The following PRKD1 variants were observed in gnomAD, a reference collection of about 807,000 sequenced individuals.
PRKD1 encodes protein kinase D1, also known as serine/threonine-protein kinase D1.
A neutral mutation model predicts 95.9 loss-of-function variants in PRKD1; 63 were observed. The ratio of observed to expected loss-of-function variants is 0.66; its 90% CI spans 0.54 to 0.81. PRKD1 has a LOEUF of 0.81. Among genes scored for constraint, PRKD1 ranks in the 30% least tolerant of loss-of-function variants. The pLI, the probability that PRKD1 is intolerant of heterozygous loss-of-function variation, is 0.00. For missense variants in PRKD1, 1,048 were observed against 1,165.3 expected, an observed-to-expected ratio of 0.90 and a Z score of 1.47; for synonymous variants, 425 against 423.1, an observed-to-expected ratio of 1.00 and a Z score of -0.05.
intron 1 of PRKD1, among the ~76,000 whole-genome samples, chr14:29,920,476 A>G (rs143570504): frequency 1.5e-4 from 23 of 152,200 alleles, no homozygotes; most frequent in South Asian, 2.1e-4. Flanking sequence ...ATCAACACCT[A>G]TAAGACTGCA....
At chr14:29,829,044 C>A (rs1259886386) in intron 1 of PRKD1, among the ~76,000 whole-genome samples, 4 of 152,300 alleles carry the variant, frequency 2.6e-5, no homozygotes, top group African/African-American at 9.6e-5. Context: ...GAAGCCCAGG[C>A]CACGCATTAT....
chr14:29,842,809 C>T (rs941711751), intron 1 of PRKD1, among the ~76,000 whole-genome samples: 2 of 152,228 alleles, frequency 1.3e-5, no homozygotes, highest in Middle Eastern at 3.4e-3. Context: ...TCCTTTGAAC[C>T]GCTTTTTCTG....
At chr14:29,847,082 A>C (rs989026181) in intron 1 of PRKD1, among the ~76,000 whole-genome samples, 1 of 152,064 alleles carries the variant, frequency 6.6e-6, no homozygotes, top group South Asian at 2.1e-4. Flanking sequence ...CCTGTACTGC[A>C]GGGGGGGTTG....
chr14:29,638,156 G>A, intron 6 of PRKD1: 1 of 264,152 alleles, frequency 3.8e-6, no homozygotes, highest in Non-Finnish European at 7.1e-6. Flanking sequence ...GAGACTGAGA[G>A]CTATAACTTG....
intron 1 of PRKD1, among the ~76,000 whole-genome samples, chr14:29,753,903 C>T (rs1268599596): frequency 6.6e-6 from 1 of 152,136 alleles, no homozygotes; most frequent in Non-Finnish European, 1.5e-5. Context: ...TAGCCTGATG[C>T]ATGCCTCCTT....
intron 4 of PRKD1, 40 bp from the exon 5 acceptor site, chr14:29,638,944 G>A (rs769009708): frequency 6.0e-6 from 9 of 1,488,790 alleles, no homozygotes; most frequent in Non-Finnish European, 7.5e-6. Flanking sequence ...AGATGTAAGA[G>A]GCTATTTGAT....
chr14:29,664,490 G>A (rs1644902266), intron 3 of PRKD1, among the ~76,000 whole-genome samples: 1 of 152,078 alleles, frequency 6.6e-6, no homozygotes. Context: ...CACGTAGCTG[G>A]AGGCCATTAC....
intron 1 of PRKD1, among the ~76,000 whole-genome samples, chr14:29,746,084 G>A (rs994724084): frequency 6.6e-6 from 1 of 152,056 alleles, no homozygotes; most frequent in Non-Finnish European, 1.5e-5. Context: ...AAATGTTTAC[G>A]ATGACTTTGG....
intron 1 of PRKD1, among the ~76,000 whole-genome samples, chr14:29,835,428 G>A (rs1891574594): frequency 6.6e-6 from 1 of 152,076 alleles, no homozygotes; most frequent in Admixed American, 6.6e-5. Flanking sequence ...AGAGAAATTA[G>A]TTATTATTTT....
At chr14:29,829,157 C>A (rs993212627) in intron 1 of PRKD1, among the ~76,000 whole-genome samples, 3 of 152,152 alleles carry the variant, frequency 2.0e-5, no homozygotes, top group African/African-American at 7.2e-5. Flanking sequence ...TTGGATGAGT[C>A]CAGCCCCATC....
intron 1 of PRKD1, among the ~76,000 whole-genome samples, chr14:29,844,471 G>A (rs1050406929): frequency 2.0e-5 from 3 of 152,098 alleles, no homozygotes; most frequent in African/African-American, 7.2e-5. Context: ...ATGTTAAGTA[G>A]ATATAAAAAT....
chr14:29,865,408 G>C (rs1892859407), intron 1 of PRKD1, among the ~76,000 whole-genome samples: 1 of 152,196 alleles, frequency 6.6e-6, no homozygotes, highest in Admixed American at 6.5e-5. Flanking sequence ...TATTGTGATG[G>C]TATTAGAAGC....
At chr14:29,695,143 A>C (rs1190987749) in intron 2 of PRKD1, among the ~76,000 whole-genome samples, 1 of 151,366 alleles carries the variant, frequency 6.6e-6, no homozygotes, top group African/African-American at 2.4e-5. Flanking sequence ...CTGAGGCAGG[A>C]GAATCACTTG....
At chr14:29,877,006 G>T (rs2139388014) in intron 1 of PRKD1, among the ~76,000 whole-genome samples, 1 of 152,210 alleles carries the variant, frequency 6.6e-6, no homozygotes, top group South Asian at 2.1e-4. Flanking sequence ...ACAAAAATTA[G>T]ACAGGTGTGG....
chr14:29,711,609 T>C (rs1885337447), intron 2 of PRKD1, among the ~76,000 whole-genome samples: 2 of 152,144 alleles, frequency 1.3e-5, no homozygotes, highest in Admixed American at 6.6e-5. Flanking sequence ...GATCCAATTA[T>C]GAAATCTTAA....
intron 1 of PRKD1, among the ~76,000 whole-genome samples, chr14:29,812,368 C>G (rs549686449): frequency 2.1e-4 from 32 of 152,300 alleles, no homozygotes; most frequent in African/African-American, 7.0e-4. Context: ...AAAGAGCAAT[C>G]CTTAAAATAA....
intron 2 of PRKD1, among the ~76,000 whole-genome samples, chr14:29,672,286 A>G (rs1406078060): frequency 6.6e-6 from 1 of 152,004 alleles, no homozygotes; most frequent in Non-Finnish European, 1.5e-5. Flanking sequence ...GCTTGCAGTG[A>G]GCCGAGATCG....
chr14:29,897,139 T>C (rs993453059), intron 1 of PRKD1, among the ~76,000 whole-genome samples: 20 of 152,112 alleles, frequency 1.3e-4, no homozygotes, highest in Admixed American at 1.0e-3. Flanking sequence ...TTTATAAGTC[T>C]ATTTTATAAG....
intron 1 of PRKD1, among the ~76,000 whole-genome samples, chr14:29,828,802 A>C (rs1044827004): frequency 1.3e-5 from 2 of 152,196 alleles, no homozygotes; most frequent in African/African-American, 2.4e-5. Flanking sequence ...AAATGGCCAC[A>C]AACTTTTTGA....
Sources: gnomAD v4.1 joint callset for allele counts (sites outside exome capture counted in the v4.1 genomes callset) on GRCh38, gnomAD v4.1.1 for gene constraint, MANE v1.5 for transcripts, NCBI Gene and HGNC (gene_info 2026-07-23, HGNC 2026-07-21) for gene names.